TEX10: variants seen among roughly 807,000 people sequenced by gnomAD.
The protein encoded by TEX10 is testis expressed 10.
A neutral mutation model predicts 104.4 loss-of-function variants in TEX10; 24 were observed. The ratio of observed to expected loss-of-function variants is 0.23; its 90% confidence interval spans 0.17 to 0.32. The LOEUF (loss-of-function observed/expected upper bound fraction) is 0.32, where lower values mean the gene tolerates loss of function less well. TEX10 is among the 10% of genes least tolerant of loss of function. TEX10 has a pLI of 1.00. For missense variants in TEX10, 921 were observed against 1,083.9 expected (o/e 0.85, Z 2.11); for synonymous variants, 396 against 393.4 (o/e 1.01, Z -0.08).
chr9:100,339,036 T>C (rs1835087948), intron 5 of TEX10, among the ~76,000 whole-genome samples: 1 of 151,554 alleles, frequency 6.6e-6, no homozygotes, highest in Non-Finnish European at 1.5e-5. Context: ...GGCAGATCAC[T>C]TGAGGTCGGG....
At position 100,308,480 on chromosome 9, in the gene TEX10, G is replaced by A. The variant is rs1043844315; in HGVS notation, c.2465+20C>T. 7 of 1,564,784 alleles carry A rather than the reference G, an allele frequency of 4.5e-6. No individual in the cohort carries two copies. In the East Asian group the frequency reaches 1.6e-4, roughly 35 times the overall value. ...GAGGAACAGTAGGAAAATTAAGGTTGAAGAATAAAAAATAATTACCTCTTT... is the reference window on the plus strand; with the variant it reads ...GAGGAACAGTAGGAAAATTAAGGTTAAAGAATAAAAAATAATTACCTCTTT... On this transcript the variant is annotated intron_variant, in intron 13 of 14. Transcript: ENST00000374902.
chr9:100,306,188 A>G (rs1272651134), intron 13 of TEX10: 3 of 152,196 alleles, frequency 2.0e-5, no homozygotes, highest in Non-Finnish European at 4.4e-5. Flanking sequence ...TAAGAGACGA[A>G]GACAGAATAA....
intron 9 of TEX10, among the ~76,000 whole-genome samples, chr9:100,322,963 T>A (rs1424842194): frequency 6.6e-6 from 1 of 152,058 alleles, no homozygotes; most frequent in Non-Finnish European, 1.5e-5. Flanking sequence ...ATGAAAACAC[T>A]CTTCTTGAGT....
In TEX10 at chr9:100,327,808, C is replaced by T. The variant is rs1834746211; in HGVS notation, c.1780G>A (p.Ala594Thr). Reference sequence around the variant, plus strand: ...TTACCATAAATTCGGAGGGCAGTAGCTTGTAAACTTTTTAGTAATTCTTTA... The same window carrying T: ...TTACCATAAATTCGGAGGGCAGTAGTTTGTAAACTTTTTAGTAATTCTTTA... ...ANKELLKSLQATALRIYDPQE... is the reference protein window; with the variant it reads ...ANKELLKSLQTTALRIYDPQE... The change falls in exon 8 of 15, where the codon GCT becomes ACT. Residue 594 changes from alanine (A) to threonine (T), a missense_variant. By Grantham distance (58) the Ala-to-Thr change is moderately conservative (BLOSUM62 0). Around this residue, in one of 3 missense-constraint regions of TEX10, gnomAD observed 753 missense variants for 868.4 expected, o/e 0.87. Coordinates refer to ENST00000374902, the MANE Select transcript of TEX10 (RefSeq NM_017746.4). The T allele has an allele frequency of 6.3e-7, 1 of 1,591,784 alleles. No homozygotes were observed. Among genetic ancestry groups the T allele is most frequent in the African/African-American group, 1.3e-5 (1 of 74,658 alleles).
At position 100,329,152 on chromosome 9, in the gene TEX10, G is replaced by A. The variant is rs765409897; in HGVS notation, c.1613C>T (p.Ser538Phe). Residue 538 changes from serine (S) to phenylalanine (F), a missense_variant, in exon 7 of 15, where the codon TCT becomes TTT. Physicochemically the swap from Ser to Phe is radical, Grantham distance 155. Around this residue, in one of 3 missense-constraint regions of TEX10, gnomAD observed 753 missense variants for 868.4 expected, o/e 0.87. Transcript: ENST00000374902. ...AACAAGATTTTACCTGAATCTACAA[G>A]ATCTCAGTTCTTCTGTCTGATAGAT... ...SKIYQTEELR[S>F]CRFRYRSKVL... The A allele has an allele frequency of 1.4e-5, 22 of 1,599,614 alleles. No individual in the cohort carries two copies. In the South Asian group the frequency reaches 1.9e-4, roughly 14 times the overall value.
At chr9:100,328,792 T>C (rs1271138498) in intron 7 of TEX10, among the ~76,000 whole-genome samples, 1 of 152,148 alleles carries the variant, frequency 6.6e-6, no homozygotes, top group East Asian at 1.9e-4. Context: ...CTCACTCTTA[T>C]CCCATATGCC....
At chr9:100,314,249 G>A (rs1033877632) in intron 11 of TEX10, among the ~76,000 whole-genome samples, 1 of 151,834 alleles carries the variant, frequency 6.6e-6, no homozygotes, top group South Asian at 2.1e-4. Context: ...CACCACACCT[G>A]GGTAACTTTT....
At chr9:100,322,087 A>C (rs1457789074) in intron 9 of TEX10, among the ~76,000 whole-genome samples, 1 of 152,186 alleles carries the variant, frequency 6.6e-6, no homozygotes, top group Non-Finnish European at 1.5e-5. Flanking sequence ...TTTGCTTTTC[A>C]GTAGTAGGTT....
At chr9:100,326,642 CACAT>C (rs1395210337) in intron 8 of TEX10, among the ~76,000 whole-genome samples, 163 bp from the exon 9 acceptor site, 2 of 152,058 alleles carry the variant, frequency 1.3e-5, no homozygotes. Context: ...TATCATAAAA[CACAT>C]ATGTATGGCT....
rs779308268 is a variant in TEX10 at position 100,302,149 on chromosome 9, G to GATCGA, written c.*41_*42insTCGAT. Reference sequence around the variant, plus strand: ...TCAGTCTTTTTCTTCAAATAAGATAGATGTGAATAAACAACTTCAAACAGG... The same window carrying GATCGA: ...TCAGTCTTTTTCTTCAAATAAGATAGATCGAATGTGAATAAACAACTTCAAACAGG... On this transcript the variant is annotated 3_prime_UTR_variant, in exon 15 of 15. Coordinates refer to ENST00000374902, the MANE Select transcript of TEX10 (RefSeq NM_017746.4). 9.3e-6 allele frequency: 11 copies of GATCGA among 1,185,710 alleles called. No individual in the cohort carries two copies. The highest frequency in any genetic ancestry group is 1.3e-5 in the Non-Finnish European group (11 of 837,386). The allele number at this position is 1,185,710 out of a possible 1,614,324, so 73.4% of individuals were successfully genotyped here. A position where few individuals can be genotyped will look rare whatever the true frequency, so the allele number is the denominator to read the frequency against.
At chr9:100,352,737 G>A (rs577364476) in intron 1 of TEX10, 35 bp downstream of exon 1, 10 of 1,189,180 alleles carry the variant, frequency 8.4e-6, no homozygotes, top group Non-Finnish European at 8.3e-6. Context: ...CCCGCGCCCC[G>A]GGAGGACCCG....
At chr9:100,317,191 T>A (rs1834442971) in intron 11 of TEX10, among the ~76,000 whole-genome samples, 1 of 152,012 alleles carries the variant, frequency 6.6e-6, no homozygotes, top group Admixed American at 6.6e-5. Flanking sequence ...GCCAAAGCAA[T>A]ACTAAGCAAA....
chr9:100,345,355 C>T (rs754452389), intron 4 of TEX10, among the ~76,000 whole-genome samples: 4 of 152,158 alleles, frequency 2.6e-5, no homozygotes, highest in Non-Finnish European at 5.9e-5. Context: ...TAAACTTCAA[C>T]TTGAAATAAA....
chr9:100,311,675 A>G (rs1014796238), intron 11 of TEX10, among the ~76,000 whole-genome samples: 1 of 152,248 alleles, frequency 6.6e-6, no homozygotes, highest in Admixed American at 6.5e-5. Context: ...AAATCTGCAC[A>G]AAAAGTAGAG....
chr9:100,321,223 T>C (rs1834563788), intron 10 of TEX10, among the ~76,000 whole-genome samples: 1 of 152,210 alleles, frequency 6.6e-6, no homozygotes, highest in Admixed American at 6.5e-5. Flanking sequence ...AGTATTTATC[T>C]TGCTAGATTC....
chr9:100,322,158 T>A (rs79829886), intron 9 of TEX10, among the ~76,000 whole-genome samples: 242 of 152,314 alleles, frequency 1.6e-3, no homozygotes, highest in African/African-American at 5.5e-3. Context: ...TGAGTTATGT[T>A]TAAACAAGCT....
intron 2 of TEX10, among the ~76,000 whole-genome samples, chr9:100,348,175 C>T (rs560938680): frequency 8.5e-5 from 13 of 152,296 alleles, no homozygotes; most frequent in African/African-American, 3.1e-4. Context: ...TAACAAAAGG[C>T]CATGTATTAT....
intron 1 of TEX10, 133 bp downstream of exon 1, chr9:100,352,639 G>A (rs1289599215): frequency 1.4e-6 from 2 of 1,445,006 alleles, no homozygotes; most frequent in Non-Finnish European, 1.8e-6. Flanking sequence ...GGACGCCGCG[G>A]CCCAGACCCG....
chr9:100,339,263 AAAAAAAAAAAAG>A (rs1835098543), intron 5 of TEX10, among the ~76,000 whole-genome samples: 1 of 129,782 alleles, frequency 7.7e-6, no homozygotes, highest in African/African-American at 3.2e-5. Context: ...AAAAAAAAAA[AAAAAAAAAAAAG>A]TATATATATA....
Sources: allele counts gnomAD v4.1 joint callset (sites outside exome capture counted in the v4.1 genomes callset), GRCh38; gene constraint gnomAD v4.1.1; regional missense constraint gnomAD v4.1.1; transcripts MANE v1.5; gene names NCBI Gene and HGNC (gene_info 2026-07-23, HGNC 2026-07-21).